The following UGT1A5 variants were observed in gnomAD, a reference collection of about 807,000 sequenced individuals.
UGT1A5 encodes UDP glucuronosyltransferase family 1 member A5.
Under a neutral mutation model 40.3 loss-of-function variants are expected in UGT1A5, and 29 were observed. The ratio of observed to expected loss-of-function variants is 0.72; its 90% confidence interval spans 0.54 to 0.98. UGT1A5 has a LOEUF of 0.98. UGT1A5 is among the 50% of genes least tolerant of loss of function. The pLI is 0.00. For synonymous variants in UGT1A5, 257 were observed against 262.5 expected, an observed-to-expected ratio of 0.98 and a Z score of 0.20; for missense variants, 678 against 677.9, an observed-to-expected ratio of 1.00 and a Z score of 0.00.
At chr2:233,750,325 T>C (rs1342214391) in intron 1 of UGT1A5, among the ~76,000 whole-genome samples, 1 of 151,898 alleles carries the variant, frequency 6.6e-6, no homozygotes, top group Non-Finnish European at 1.5e-5. Context: ...AACTTTGAAC[T>C]TCAGAGAGAT....
chr2:233,724,281 C>CA (rs1553611764), intron 1 of UGT1A5, among the ~76,000 whole-genome samples: 3 of 111,954 alleles, frequency 2.7e-5, no homozygotes, highest in South Asian at 3.3e-4. Flanking sequence ...GCTGGCCGGG[C>CA]GGGGGGCTGA....
intron 1 of UGT1A5, among the ~76,000 whole-genome samples, chr2:233,732,436 GTTTTAGGTCTAACA>G (rs2078272762): frequency 1.3e-5 from 2 of 152,194 alleles, no homozygotes; most frequent in Admixed American, 6.5e-5. Context: ...GATTTTTATG[GTTTTAGGTCTAACA>G]TTTGAGTCTT....
chr2:233,744,674 A>C (rs1324161550), intron 1 of UGT1A5, among the ~76,000 whole-genome samples: 16 of 151,928 alleles, frequency 1.1e-4, no homozygotes, highest in South Asian at 4.1e-4. Flanking sequence ...ATTACACATC[A>C]CCCATGTAGC....
At chr2:233,753,846 T>C (rs540552189) in intron 1 of UGT1A5, among the ~76,000 whole-genome samples, 6 of 152,330 alleles carry the variant, frequency 3.9e-5, no homozygotes, top group Non-Finnish European at 5.9e-5. Context: ...TAGTATATCA[T>C]TGACCAACCA....
chr2:233,757,044 A>T (rs1411336170), intron 1 of UGT1A5, among the ~76,000 whole-genome samples: 1 of 151,696 alleles, frequency 6.6e-6, no homozygotes, highest in Non-Finnish European at 1.5e-5. Flanking sequence ...CATCAAAGGA[A>T]GTTTGGGGAA....
Position 233,719,547 on chromosome 2 carries a change from GTGTCAGTGGTGGATCT to G in UGT1A5, c.867+5696_867+5711del. 3 of 1,613,900 alleles carry G rather than the reference GTGTCAGTGGTGGATCT, an allele frequency of 1.9e-6. No individual in the cohort carries two copies. The Middle Eastern group carries it at 5.0e-4, about 266-fold the overall frequency. The stretch of plus-strand genomic sequence containing the variant: ...TGCCTCTGAGCTTTTTCAGAGAGAG[GTGTCAGTGGTGGATCT>G]TGTCAGCTATGCATCCGTGTGGCTG... On this transcript the variant is annotated intron_variant, in intron 1 of 4. Coordinates refer to ENST00000373414, the MANE Select transcript of UGT1A5 (RefSeq NM_019078.2).
In UGT1A5 at chr2:233,741,861, A is replaced by T. The variant is rs1406457842; in HGVS notation, c.868-25173A>T. On this transcript the variant is annotated intron_variant, in intron 1 of 4. Transcript: ENST00000373414. ...GCCTTTTGCTCTCATGCCTTATGCA[A>T]ACCTTTCCTCAGAGGTGACCCTAGA... The T allele has an allele frequency of 2.6e-5, 4 of 151,886 alleles. No individual in the cohort carries two copies. The East Asian group carries it at 7.7e-4, about 29-fold the overall frequency. The allele number at this position is 151,886 out of a possible 1,614,324, so 9.4% of individuals were successfully genotyped here.
intron 2 of UGT1A5, among the ~76,000 whole-genome samples, chr2:233,767,645 G>A (rs193254313): frequency 6.6e-5 from 10 of 152,224 alleles, no homozygotes; most frequent in South Asian, 2.1e-4. Context: ...ACAAATTCAC[G>A]TAGTGCATAC....
rs188496889 is a variant in UGT1A5, at chr2:233,733,647, G to A, written c.867+19789G>A. Among the ~76,000 whole-genome samples, 3 of 152,328 alleles carry A rather than the reference G, an allele frequency of 2.0e-5. No individual in the cohort carries two copies. The East Asian group carries it at 5.8e-4, about 29-fold the overall frequency. ...ATGTTGAACCAGCCTTGCATCCCAA[G>A]GATGAAGCCGACTTGATCGATGTGG... On this transcript the variant is annotated intron_variant, in intron 1 of 4. Coordinates refer to ENST00000373414, the MANE Select transcript of UGT1A5 (RefSeq NM_019078.2).
At chr2:233,756,599 C>A (rs1235444943) in intron 1 of UGT1A5, among the ~76,000 whole-genome samples, 2 of 152,080 alleles carry the variant, frequency 1.3e-5, no homozygotes, top group Non-Finnish European at 2.9e-5. Flanking sequence ...TTTACTGTAT[C>A]GAAACCATTA....
At chr2:233,751,274 C>T (rs1450927418) in intron 1 of UGT1A5, among the ~76,000 whole-genome samples, 1 of 151,812 alleles carries the variant, frequency 6.6e-6, no homozygotes, top group African/African-American at 2.4e-5. Flanking sequence ...CTTTTTTTGG[C>T]CAGTTTCTCC....
At chr2:233,744,177 C>G (rs1335639755) in intron 1 of UGT1A5, among the ~76,000 whole-genome samples, 1 of 151,854 alleles carries the variant, frequency 6.6e-6, no homozygotes, top group Admixed American at 6.5e-5. Context: ...CGGCCTCCAA[C>G]CAGCCATGGT....
At chr2:233,721,874 C>G in intron 1 of UGT1A5, 5 of 497,190 alleles carry the variant, frequency 1.0e-5, no homozygotes, top group South Asian at 7.3e-5. Context: ...GGCACACTTG[C>G]CAGCCCCTCC....
At chr2:233,737,717 C>A (rs2078914941) in intron 1 of UGT1A5, among the ~76,000 whole-genome samples, 1 of 152,178 alleles carries the variant, frequency 6.6e-6, no homozygotes, top group South Asian at 2.1e-4. Flanking sequence ...CTCTCCAACA[C>A]CTCCTTTTTT....
At chr2:233,759,133 C>T (rs973211945) in intron 1 of UGT1A5, among the ~76,000 whole-genome samples, 1 of 152,206 alleles carries the variant, frequency 6.6e-6, no homozygotes, top group African/African-American at 2.4e-5. Flanking sequence ...CTCTGGTACG[C>T]AATGAAGGTG....
At chr2:233,754,838 G>A (rs1298035120) in intron 1 of UGT1A5, 8 of 1,343,666 alleles carry the variant, frequency 6.0e-6, no homozygotes, top group South Asian at 1.1e-5. Context: ...GAAATTCACT[G>A]AAGGCAGAGA....
chr2:233,729,355 C>T (rs144116440), intron 1 of UGT1A5: 167 of 1,614,046 alleles, frequency 1.0e-4, no homozygotes, highest in Non-Finnish European at 4.3e-5. Context: ...CTTTTTCACC[C>T]TGACAACCTA....
chr2:233,751,650 C>G (rs1180947781), intron 1 of UGT1A5, among the ~76,000 whole-genome samples: 1 of 152,190 alleles, frequency 6.6e-6, no homozygotes, highest in African/African-American at 2.4e-5. Context: ...TTGCTGTTCT[C>G]ATCCTACTGA....
At chr2:233,725,167 G>A (rs112233788) in intron 1 of UGT1A5, among the ~76,000 whole-genome samples, 4,177 of 75,252 alleles carry the variant, frequency 0.056, 411 homozygotes, top group African/African-American at 0.13. Flanking sequence ...TGCATGAGAG[G>A]GAGACCGTGG....
Sources: gnomAD v4.1 joint callset for allele counts (sites outside exome capture counted in the v4.1 genomes callset) on GRCh38, gnomAD v4.1.1 for gene constraint, MANE v1.5 for transcripts, NCBI Gene and HGNC (gene_info 2026-07-23, HGNC 2026-07-21) for gene names.